The following RORA variants were observed in gnomAD, a reference collection of about 807,000 sequenced individuals.
RORA encodes the protein nuclear receptor ROR-alpha.
A neutral mutation model predicts 69.5 loss-of-function variants in RORA; 7 were observed. That is an observed-to-expected ratio of 0.10 (90% CI 0.06 to 0.19). The LOEUF is 0.19. RORA is among the 10% of genes least tolerant of loss of function. The pLI, the probability that RORA is intolerant of heterozygous loss-of-function variation, is 1.00. For synonymous variants in RORA, 261 were observed against 240.8 expected (o/e 1.08, Z -0.78); for missense variants, 457 against 663.0 (o/e 0.69, Z 3.41).
At chr15:60,678,235 G>C (rs1304995627) in intron 2 of RORA, 1 of 155,660 alleles carries the variant, frequency 6.4e-6, no homozygotes, top group African/African-American at 2.4e-5. Flanking sequence ...CTGCTCCACA[G>C]ACATGAGTAC....
chr15:61,011,342 G>C (rs1007338168), intron 1 of RORA, among the ~76,000 whole-genome samples: 1 of 152,158 alleles, frequency 6.6e-6, no homozygotes, highest in African/African-American at 2.4e-5. Flanking sequence ...AATTTTCTTA[G>C]AAGGATAGAA....
intron 1 of RORA, among the ~76,000 whole-genome samples, chr15:61,105,142 A>G (rs2078934621): frequency 6.6e-6 from 1 of 152,162 alleles, no homozygotes; most frequent in Non-Finnish European, 1.5e-5. Context: ...TTGGGATCTC[A>G]ACTCAAAAGT....
chr15:60,917,040 C>T (rs1052226870), intron 1 of RORA, among the ~76,000 whole-genome samples: 2 of 152,110 alleles, frequency 1.3e-5, no homozygotes, highest in Non-Finnish European at 1.5e-5. Flanking sequence ...AAGAAGTATC[C>T]GGCTTCCAGA....
chr15:60,702,498 C>T (rs965573842), intron 1 of RORA, among the ~76,000 whole-genome samples: 4 of 152,180 alleles, frequency 2.6e-5, no homozygotes, highest in Non-Finnish European at 5.9e-5. Flanking sequence ...TCCCAAAGTG[C>T]TGGGATTACA....
chr15:61,046,384 G>A (rs541790892), intron 1 of RORA, among the ~76,000 whole-genome samples: 2 of 152,274 alleles, frequency 1.3e-5, no homozygotes, highest in South Asian at 2.1e-4. Flanking sequence ...GTCTCCGCCA[G>A]GAGAGGTGGT....
chr15:60,802,978 A>C (rs2072609190), intron 1 of RORA, among the ~76,000 whole-genome samples: 1 of 152,192 alleles, frequency 6.6e-6, no homozygotes. Flanking sequence ...ATTTAAAGCC[A>C]TACCACTTTA....
chr15:60,672,776 C>G, intron 2 of RORA, among the ~76,000 whole-genome samples: 1 of 152,196 alleles, frequency 6.6e-6, no homozygotes, highest in East Asian at 1.9e-4. Flanking sequence ...AAGCATTAAA[C>G]ACAATGCTTC....
At chr15:60,502,907 C>G (rs201733365) in intron 7 of RORA, 40 bp from the exon 8 acceptor site, 56 of 1,312,186 alleles carry the variant, frequency 4.3e-5, no homozygotes, top group Non-Finnish European at 5.4e-5. Flanking sequence ...TTTGGGTCAT[C>G]TGATGTTAGT....
Position 60,955,268 on chromosome 15 carries a change from C to T in RORA, c.166+273785G>A, listed in dbSNP as rs555354760. Reference sequence around the variant, plus strand: ...AGTGAGCCGAGATTGTGCCACTGCACTCCAGCCTGGGTGACAGAGCAAGAC... The same window carrying T: ...AGTGAGCCGAGATTGTGCCACTGCATTCCAGCCTGGGTGACAGAGCAAGAC... On this transcript the variant is annotated intron_variant, in intron 1 of 10. Transcript: ENST00000335670. 5.9e-5 allele frequency among the ~76,000 whole-genome samples: 9 copies of T among 152,346 alleles called. No individual in the cohort carries two copies. In the East Asian group the frequency reaches 1.7e-3, roughly 29 times the overall value.
At chr15:60,757,974 C>G (rs984398654) in intron 1 of RORA, among the ~76,000 whole-genome samples, 1 of 152,212 alleles carries the variant, frequency 6.6e-6, no homozygotes, top group Non-Finnish European at 1.5e-5. Context: ...TAGCAGATCT[C>G]TGCTCTCTTT....
At chr15:60,545,376 C>G (rs1198250145) in intron 2 of RORA, among the ~76,000 whole-genome samples, 3 of 152,136 alleles carry the variant, frequency 2.0e-5, no homozygotes, top group Non-Finnish European at 4.4e-5. Context: ...AACTATGTCA[C>G]AAAGATAAAT....
chr15:60,831,566 T>C (rs2073042770), intron 1 of RORA, among the ~76,000 whole-genome samples: 2 of 152,198 alleles, frequency 1.3e-5, no homozygotes, highest in South Asian at 2.1e-4. Context: ...CTCACAGTTA[T>C]ATAGCTCTGA....
intron 1 of RORA, among the ~76,000 whole-genome samples, chr15:60,862,800 G>T (rs1401095436): frequency 6.6e-6 from 1 of 152,202 alleles, no homozygotes; most frequent in Non-Finnish European, 1.5e-5. Context: ...CTTAATTAGA[G>T]TCACAATTGT....
chr15:61,226,004 G>A lies in RORA; in HGVS notation c.166+3049C>T, dbSNP rs1410041177. Among the ~76,000 whole-genome samples, 1 of 152,108 alleles carries A rather than the reference G, an allele frequency of 6.6e-6. No homozygotes were observed. The highest frequency in any genetic ancestry group is 1.5e-5 in the Non-Finnish European group (1 of 68,032). On this transcript the variant is annotated intron_variant, in intron 1 of 10. Coordinates refer to ENST00000335670, the MANE Select transcript of RORA (RefSeq NM_134261.3). The surrounding 1 kb of genome is among the most constrained non-coding windows in gnomAD (Gnocchi z 4.2). ...CATTCCCAGCAGTTTTATGGACAGG[G>A]GAAGGTCGTCTTTCAGATTATAAAG... is the stretch of plus-strand genomic sequence containing the variant.
chr15:60,798,727 G>A (rs773844864), intron 1 of RORA, among the ~76,000 whole-genome samples: 16 of 152,038 alleles, frequency 1.1e-4, no homozygotes, highest in Non-Finnish European at 2.1e-4. Flanking sequence ...ACAGATCCAG[G>A]TCTGAAAGCC....
intron 5 of RORA, among the ~76,000 whole-genome samples, chr15:60,509,689 A>G (rs575686738): frequency 4.6e-5 from 7 of 152,318 alleles, no homozygotes; most frequent in African/African-American, 1.7e-4. Flanking sequence ...CTTTCAATCA[A>G]ATCCTTATTC....
chr15:60,783,459 C>T (rs961321108), intron 1 of RORA, among the ~76,000 whole-genome samples: 2 of 152,072 alleles, frequency 1.3e-5, no homozygotes, highest in African/African-American at 4.8e-5. Flanking sequence ...TGAGCTAATT[C>T]ACATATGCAT....
chr15:60,911,595 T>C (rs1228459412), intron 1 of RORA, among the ~76,000 whole-genome samples: 1 of 152,080 alleles, frequency 6.6e-6, no homozygotes, highest in African/African-American at 2.4e-5. Context: ...AGTGCAAATA[T>C]ATTAAAAAGC....
chr15:60,828,925 G>A (rs1479213507), intron 1 of RORA, among the ~76,000 whole-genome samples: 2 of 152,194 alleles, frequency 1.3e-5, no homozygotes, highest in Non-Finnish European at 2.9e-5. Context: ...AATATCCAAA[G>A]AGTTGCTCAT....
Sources: allele counts gnomAD v4.1 joint callset (sites outside exome capture counted in the v4.1 genomes callset), GRCh38; gene constraint gnomAD v4.1.1; non-coding constraint Gnocchi (gnomAD v3.1); transcripts MANE v1.5; gene names NCBI Gene and HGNC (gene_info 2026-07-23, HGNC 2026-07-21).